TENM3: variants seen among roughly 807,000 people sequenced by gnomAD.
TENM3 encodes teneurin transmembrane protein 3.
Under a neutral mutation model 255.1 loss-of-function variants are expected in TENM3, and 63 were observed. The observed-to-expected ratio is 0.25, with a 90% CI of 0.20 to 0.30. The LOEUF is 0.30. Among genes scored for constraint, TENM3 ranks in the 10% least tolerant of loss-of-function variants. The pLI is 1.00. For synonymous variants in TENM3, 1,306 were observed against 1,322.3 expected (o/e 0.99, Z 0.27); for missense variants, 2,929 against 3,461.1 (o/e 0.85, Z 3.86).
intron 3 of TENM3, among the ~76,000 whole-genome samples, chr4:182,529,596 T>C (rs1299503794): frequency 2.6e-5 from 4 of 152,210 alleles, no homozygotes; most frequent in African/African-American, 9.6e-5. Context: ...TTCAGGGGCC[T>C]AGATAGTACT....
chr4:181,495,466 GA>G, the TENM3 span, among the ~76,000 whole-genome samples: 1 of 152,006 alleles, frequency 6.6e-6, no homozygotes, highest in African/African-American at 2.4e-5. Flanking sequence ...TCTCCATTAT[GA>G]AAAAGGATGA....
the TENM3 span, among the ~76,000 whole-genome samples, chr4:181,521,974 G>A: frequency 4.6e-5 from 7 of 151,858 alleles, no homozygotes; most frequent in East Asian, 2.0e-4. Flanking sequence ...GGTGGCGGGC[G>A]CCTGTAGTCC....
chr4:182,135,204 C>CAGAAAAA, the TENM3 span, among the ~76,000 whole-genome samples: 1 of 81,568 alleles, frequency 1.2e-5, no homozygotes, highest in Admixed American at 1.7e-4. Context: ...GACTCGGTCT[C>CAGAAAAA]AAAAAAAAAA....
chr4:181,699,935 G>A, the TENM3 span, among the ~76,000 whole-genome samples: 1 of 152,150 alleles, frequency 6.6e-6, no homozygotes, highest in Middle Eastern at 3.2e-3. Context: ...AATGACAAAT[G>A]AGCGTAGCAT....
At chr4:181,535,341 A>T in the TENM3 span, among the ~76,000 whole-genome samples, 1 of 152,128 alleles carries the variant, frequency 6.6e-6, no homozygotes, top group Non-Finnish European at 1.5e-5. Flanking sequence ...AATATTGGTC[A>T]TGCAGCCTGC....
the TENM3 span, among the ~76,000 whole-genome samples, chr4:181,592,250 A>AACAGAAACACACACACACACAC: frequency 0.049 from 6,203 of 126,660 alleles, 162 homozygotes; most frequent in Middle Eastern, 0.12. Flanking sequence ...AAGCTGTTTA[A>AACAGAAACACACACACACACAC]ACACAAACAC....
At chr4:182,506,538 G>T (rs1232402286) in intron 3 of TENM3, among the ~76,000 whole-genome samples, 1 of 152,086 alleles carries the variant, frequency 6.6e-6, no homozygotes, top group East Asian at 1.9e-4. Context: ...TCTGGTATGT[G>T]TATTATAATT....
intron 1 of TENM3, among the ~76,000 whole-genome samples, chr4:182,302,617 T>C (rs895661325): frequency 6.6e-6 from 1 of 152,102 alleles, no homozygotes; most frequent in Non-Finnish European, 1.5e-5. Context: ...ACAGAAGATA[T>C]AAAACTTGAA....
chr4:182,257,981 TC>T (rs1488834529), intron 1 of TENM3, among the ~76,000 whole-genome samples: 1 of 152,126 alleles, frequency 6.6e-6, no homozygotes, highest in Non-Finnish European at 1.5e-5. Flanking sequence ...TCTTAATGTA[TC>T]CTGATTGAAA....
chr4:182,106,426 C>T, the TENM3 span, among the ~76,000 whole-genome samples: 1 of 152,190 alleles, frequency 6.6e-6, no homozygotes, highest in Non-Finnish European at 1.5e-5. Context: ...TGCTGCACTC[C>T]AGCCTGGGCG....
the TENM3 span, among the ~76,000 whole-genome samples, chr4:181,850,754 G>T: frequency 6.6e-6 from 1 of 151,644 alleles, no homozygotes; most frequent in East Asian, 1.9e-4. Context: ...GTAAAATATT[G>T]GTCTTAGAAT....
At chr4:182,492,918 A>G (rs377558646) in intron 3 of TENM3, among the ~76,000 whole-genome samples, 3 of 152,194 alleles carry the variant, frequency 2.0e-5, no homozygotes, top group East Asian at 1.9e-4. Context: ...TCAAAAGCCA[A>G]ATTGTCAGCA....
the TENM3 span, among the ~76,000 whole-genome samples, chr4:182,034,393 A>T: frequency 6.6e-6 from 1 of 152,156 alleles, no homozygotes; most frequent in Non-Finnish European, 1.5e-5. Flanking sequence ...ATTTAAGGTT[A>T]ATATTGTTAT....
In TENM3 at chr4:182,262,871, G is replaced by C. The variant is rs570284163; in HGVS notation, c.-76+19395G>C. On this transcript the variant is annotated intron_variant, in intron 1 of 27. Transcript: ENST00000511685. Reference sequence around the variant, plus strand: ...TGGGACTACAGGCACCCACCACCACGCCCGGCTAATTGTTTGTATTTTTAG... The same window carrying C: ...TGGGACTACAGGCACCCACCACCACCCCCGGCTAATTGTTTGTATTTTTAG... Among the ~76,000 whole-genome samples the C allele has an allele frequency of 4.0e-5, 6 of 151,820 alleles. No homozygotes were observed. The East Asian group carries it at 9.8e-4, about 25-fold the overall frequency.
the TENM3 span, among the ~76,000 whole-genome samples, chr4:181,635,295 G>A: frequency 2.6e-5 from 4 of 152,276 alleles, no homozygotes; most frequent in Non-Finnish European, 1.5e-5. Flanking sequence ...TACCTGGTAT[G>A]CATTTACTCT....
chr4:181,998,204 T>C, the TENM3 span, among the ~76,000 whole-genome samples: 1 of 152,192 alleles, frequency 6.6e-6, no homozygotes, highest in Non-Finnish European at 1.5e-5. Flanking sequence ...ATCCAAATTT[T>C]GTATTAGCTG....
At chr4:181,648,270 T>G in the TENM3 span, among the ~76,000 whole-genome samples, 1 of 152,302 alleles carries the variant, frequency 6.6e-6, no homozygotes, top group East Asian at 1.9e-4. Context: ...AACATGGAGA[T>G]ACGGCTCTAA....
At chr4:182,068,617 A>G in the TENM3 span, among the ~76,000 whole-genome samples, 1 of 152,184 alleles carries the variant, frequency 6.6e-6, no homozygotes, top group Non-Finnish European at 1.5e-5. Flanking sequence ...GAATTATATC[A>G]TAAAAGAATA....
intron 1 of TENM3, among the ~76,000 whole-genome samples, chr4:182,297,137 C>T (rs571218734): frequency 5.7e-4 from 87 of 152,280 alleles, no homozygotes; most frequent in African/African-American, 1.9e-3. Flanking sequence ...CAGCACCATG[C>T]CTGGCTACAG....
Sources: gnomAD v4.1 joint callset for allele counts (sites outside exome capture counted in the v4.1 genomes callset) on GRCh38, gnomAD v4.1.1 for gene constraint, MANE v1.5 for transcripts, NCBI Gene and HGNC (gene_info 2026-07-23, HGNC 2026-07-21) for gene names.